Variants in CSMD1 observed in about 807,000 individuals in gnomAD.
CSMD1 encodes the protein CUB and Sushi multiple domains 1.
A neutral mutation model predicts 417.5 loss-of-function variants in CSMD1; 213 were observed. The ratio of observed to expected loss-of-function variants is 0.51; its 90% CI spans 0.46 to 0.57. The LOEUF (loss-of-function observed/expected upper bound fraction) is 0.57. Ranked by LOEUF, CSMD1 falls within the 20% of genes least tolerant of loss-of-function variation. CSMD1 has a pLI of 0.00. For synonymous variants in CSMD1, 2,862 were observed against 1,736.8 expected, an observed-to-expected ratio of 1.65 and a Z score of -16.11; for missense variants, 6,923 against 4,529.7, an observed-to-expected ratio of 1.53 and a Z score of -15.17.
intron 63 of CSMD1, among the ~76,000 whole-genome samples, chr8:2,956,848 A>G (rs1803045041): frequency 6.6e-6 from 1 of 152,172 alleles, no homozygotes. Flanking sequence ...GATATTATCA[A>G]GCTCCATATT....
At chr8:4,061,052 A>G (rs1430862675) in intron 3 of CSMD1, among the ~76,000 whole-genome samples, 2 of 86,232 alleles carry the variant, frequency 2.3e-5, no homozygotes, top group African/African-American at 7.0e-5. Flanking sequence ...ATGATGTACA[A>G]AATGCCATCT....
At chr8:3,900,724 G>T (rs999006899) in intron 5 of CSMD1, among the ~76,000 whole-genome samples, 1 of 152,048 alleles carries the variant, frequency 6.6e-6, no homozygotes, top group Non-Finnish European at 1.5e-5. Flanking sequence ...GTAGCTGGGT[G>T]ACACTATAGC....
intron 4 of CSMD1, among the ~76,000 whole-genome samples, chr8:4,028,997 G>A (rs183730961): frequency 1.5e-4 from 23 of 152,308 alleles, no homozygotes; most frequent in Non-Finnish European, 4.4e-5. Context: ...ATCTTGCTCT[G>A]AAATATGACA....
chr8:3,434,124 G>C (rs1322307890), intron 12 of CSMD1, among the ~76,000 whole-genome samples: 2 of 152,156 alleles, frequency 1.3e-5, no homozygotes, highest in Non-Finnish European at 1.5e-5. Context: ...AATTATATAA[G>C]AATACCTTTG....
intron 1 of CSMD1, among the ~76,000 whole-genome samples, chr8:4,867,686 G>A (rs1346454041): frequency 2.0e-5 from 3 of 152,050 alleles, no homozygotes; most frequent in Admixed American, 6.5e-5. Flanking sequence ...TATATGTTTA[G>A]AATCCCTTGA....
chr8:3,493,890 T>G (rs544533016), intron 10 of CSMD1, among the ~76,000 whole-genome samples, 164 bp from the exon 11 acceptor site: 1 of 152,310 alleles, frequency 6.6e-6, no homozygotes, highest in South Asian at 2.1e-4. Flanking sequence ...TTATATATAT[T>G]TGATAGCCTG....
intron 10 of CSMD1, among the ~76,000 whole-genome samples, chr8:3,503,129 G>C (rs372002523): frequency 6.6e-6 from 1 of 152,114 alleles, no homozygotes; most frequent in Non-Finnish European, 1.5e-5. Context: ...ATAGCCCACA[G>C]TATACAGTGT....
chr8:4,785,372 G>C (rs1797351681), intron 1 of CSMD1, among the ~76,000 whole-genome samples: 1 of 152,132 alleles, frequency 6.6e-6, no homozygotes, highest in Non-Finnish European at 1.5e-5. Context: ...CTCAGAGCTG[G>C]TATGGAAGAG....
At chr8:4,232,196 T>C (rs886718729) in intron 3 of CSMD1, among the ~76,000 whole-genome samples, 1 of 152,172 alleles carries the variant, frequency 6.6e-6, no homozygotes, top group African/African-American at 2.4e-5. Context: ...CTTTATTTAT[T>C]TGTTTTTATT....
chr8:3,480,351 G>C (rs1290980631), intron 11 of CSMD1, among the ~76,000 whole-genome samples: 1 of 152,096 alleles, frequency 6.6e-6, no homozygotes, highest in African/African-American at 2.4e-5. Context: ...GAGCAATGGA[G>C]AAAGACTCTG....
chr8:3,208,793 C>T (rs1563144365), intron 30 of CSMD1, among the ~76,000 whole-genome samples: 1 of 152,094 alleles, frequency 6.6e-6, no homozygotes, highest in East Asian at 1.9e-4. Flanking sequence ...CTGGCCTAGT[C>T]TCCCAGCCTA....
chr8:4,365,715 C>T (rs1005581470), intron 3 of CSMD1, among the ~76,000 whole-genome samples: 17 of 152,152 alleles, frequency 1.1e-4, no homozygotes, highest in African/African-American at 3.4e-4. Context: ...CTTTCTGCCA[C>T]GTGCTTTAGG....
intron 1 of CSMD1, among the ~76,000 whole-genome samples, chr8:4,743,588 T>A (rs754045236): frequency 2.0e-5 from 3 of 152,146 alleles, no homozygotes; most frequent in Non-Finnish European, 4.4e-5. Context: ...GATTATTGGG[T>A]CATTCCCTGG....
In CSMD1 at chr8:3,029,320, T is replaced by C; in HGVS notation, c.7854A>G (p.Arg2618=). 6.2e-7 allele frequency: 1 copy of C among 1,603,508 alleles called. No individual in the cohort carries two copies. Among genetic ancestry groups the C allele is most frequent in the Non-Finnish European group, 8.5e-7 (1 of 1,175,634 alleles). Residue 2618 remains arginine (R), a splice_region_variant and synonymous_variant, in exon 51 of 70, where the codon CGA becomes CGG. Transcript: ENST00000635120. ...AGGGGTGCCTCCCTCATCACTTACC[T>C]CGACAGCTTGGCCTCTCATCTCCTA... ...WNIGDERPSC[R]VISCGSLSFP... is the part of the protein sequence containing the mutation.
chr8:3,808,589 A>G (rs550090970), intron 5 of CSMD1, among the ~76,000 whole-genome samples: 2 of 152,302 alleles, frequency 1.3e-5, no homozygotes, highest in Admixed American at 1.3e-4. Flanking sequence ...TTTGAAAATA[A>G]TTGCACACTG....
At chr8:4,541,568 T>C (rs1465300007) in intron 2 of CSMD1, among the ~76,000 whole-genome samples, 1 of 151,778 alleles carries the variant, frequency 6.6e-6, no homozygotes, top group Admixed American at 6.6e-5. Context: ...GCCACCATGG[T>C]AAAACCCTGT....
intron 3 of CSMD1, among the ~76,000 whole-genome samples, chr8:4,326,493 A>G (rs1212301758): frequency 5.9e-5 from 9 of 152,194 alleles, no homozygotes; most frequent in African/African-American, 9.6e-5. Context: ...AAGAGGAGAT[A>G]GGAAAAAAGG....
At chr8:4,044,079 A>T (rs1798027733) in intron 3 of CSMD1, among the ~76,000 whole-genome samples, 1 of 152,092 alleles carries the variant, frequency 6.6e-6, no homozygotes, top group Non-Finnish European at 1.5e-5. Context: ...TTTCTTGCCC[A>T]TTGCTTGTCT....
At chr8:4,946,916 G>A (rs899463808) in intron 1 of CSMD1, among the ~76,000 whole-genome samples, 1 of 152,114 alleles carries the variant, frequency 6.6e-6, no homozygotes. Context: ...TAGAAAGACA[G>A]AGCATATGTA....
Sources: gnomAD v4.1 joint callset for allele counts (sites outside exome capture counted in the v4.1 genomes callset) on GRCh38, gnomAD v4.1.1 for gene constraint, MANE v1.5 for transcripts, NCBI Gene and HGNC (gene_info 2026-07-23, HGNC 2026-07-21) for gene names.